The following MYH16 variants were observed in gnomAD, a reference collection of about 807,000 sequenced individuals.
MYH16 encodes putative uncharacterized protein MYH16.
intron 1 of MYH16, among the ~76,000 whole-genome samples, chr7:99,239,836 T>C (rs2150802917): frequency 6.6e-6 from 1 of 152,284 alleles, no homozygotes; most frequent in East Asian, 1.9e-4. Flanking sequence ...TTCTCTCTGC[T>C]GGCCCACACT....
rs542733156 is a variant in MYH16 at position 99,267,566 on chromosome 7, A to G, written n.2266+592A>G. ...TGTCCAAGAATAAAAAGGGCCAATGAGAATCAAGGTCATGGATCTGGCCCG... is the reference window on the plus strand; with the variant it reads ...TGTCCAAGAATAAAAAGGGCCAATGGGAATCAAGGTCATGGATCTGGCCCG... On this transcript the variant is annotated intron_variant and non_coding_transcript_variant, in intron 18 of 41. Coordinates refer to ENST00000439784, the Ensembl canonical transcript of MYH16. Among the ~76,000 whole-genome samples the G allele has an allele frequency of 3.8e-4, 58 of 152,338 alleles. 1 individual carries two copies. The South Asian group carries it at 0.011, about 30-fold the overall frequency.
intron 6 of MYH16, among the ~76,000 whole-genome samples, chr7:99,251,880 G>A (rs1161754497): frequency 6.6e-6 from 1 of 152,130 alleles, no homozygotes; most frequent in Non-Finnish European, 1.5e-5. Context: ...GGCTAAGGTG[G>A]GAGGATCACC....
downstream of MYH16, among the ~76,000 whole-genome samples, chr7:99,309,835 T>C (rs1792735145): frequency 6.6e-6 from 1 of 152,158 alleles, no homozygotes; most frequent in African/African-American, 2.4e-5. Flanking sequence ...TGGGGTCTAC[T>C]CTCCATGTCC....
intron 22 of MYH16, among the ~76,000 whole-genome samples, chr7:99,280,527 G>A (rs1792187572): frequency 6.6e-6 from 1 of 152,176 alleles, no homozygotes; most frequent in South Asian, 2.1e-4. Context: ...TTGGGTTCTC[G>A]AGCAGGGTAA....
chr7:99,296,679 G>A (rs1241087129), intron 33 of MYH16, 22 bp from the exon 15 acceptor site: 1 of 454,926 alleles, frequency 2.2e-6, no homozygotes, highest in Non-Finnish European at 4.4e-6. Flanking sequence ...GACCCCTAGA[G>A]GCCATTTCCA....
intron 18 of MYH16, chr7:99,266,990 C>G (rs181629210): frequency 3.9e-5 from 6 of 152,726 alleles, no homozygotes; most frequent in Non-Finnish European, 7.3e-5. Context: ...GTATGGTGGG[C>G]GGTCTCCCCC....
chr7:99,298,565 G>C (rs1281808472), intron 36 of MYH16, among the ~76,000 whole-genome samples: 2 of 152,214 alleles, frequency 1.3e-5, no homozygotes, highest in Non-Finnish European at 2.9e-5. Flanking sequence ...TTTTAGCCAT[G>C]ATGGTTAATG....
intron 37 of MYH16, among the ~76,000 whole-genome samples, chr7:99,300,267 G>C (rs983978633): frequency 6.6e-6 from 1 of 152,082 alleles, no homozygotes; most frequent in South Asian, 2.1e-4. Flanking sequence ...GCCCTGTCTT[G>C]ATTTGTAAAA....
intron 20 of MYH16, among the ~76,000 whole-genome samples, chr7:99,277,164 G>C (rs559939493): frequency 6.6e-6 from 1 of 152,142 alleles, no homozygotes; most frequent in Non-Finnish European, 1.5e-5. Context: ...AGGGAAGGAA[G>C]GAGGGAGGGG....
downstream of MYH16, among the ~76,000 whole-genome samples, chr7:99,307,171 C>T (rs35058460): frequency 0.027 from 4,116 of 152,274 alleles, 84 homozygotes; most frequent in Non-Finnish European, 0.04. Context: ...GTGCTTAGTA[C>T]AGTCACAGGG....
intron 22 of MYH16, among the ~76,000 whole-genome samples, chr7:99,280,219 A>C (rs1300794022): frequency 6.6e-6 from 1 of 152,232 alleles, no homozygotes; most frequent in African/African-American, 2.4e-5. Flanking sequence ...TTAAAATGCA[A>C]TTCCTCAGTT....
intron 17 of MYH16, chr7:99,266,780 T>C (rs1361840103): frequency 6.5e-6 from 1 of 152,700 alleles, no homozygotes; most frequent in Admixed American, 6.5e-5. Context: ...GACCAGCGGA[T>C]AACCGCATGA....
At chr7:99,266,134 A>C (rs998108939) in intron 17 of MYH16, among the ~76,000 whole-genome samples, 4 of 151,838 alleles carry the variant, frequency 2.6e-5, no homozygotes, top group African/African-American at 9.7e-5. Context: ...TCCAAAAAAA[A>C]CCCCGATTGC....
chr7:99,277,459 G>A (rs1211717160), intron 20 of MYH16, 80 bp from the exon 3 acceptor site: 8 of 394,222 alleles, frequency 2.0e-5, no homozygotes, highest in African/African-American at 4.1e-5. Context: ...TCACGCCTGA[G>A]GCAGAGACTC....
At chr7:99,240,374 T>C (rs941785334) in intron 1 of MYH16, among the ~76,000 whole-genome samples, 2 of 152,114 alleles carry the variant, frequency 1.3e-5, no homozygotes, top group African/African-American at 4.8e-5. Context: ...ACCCGGCCAC[T>C]TTTCCATTTA....
intron 29 of MYH16, among the ~76,000 whole-genome samples, chr7:99,288,732 C>T (rs550378865): frequency 4.6e-5 from 7 of 152,052 alleles, no homozygotes; most frequent in African/African-American, 1.2e-4. Flanking sequence ...ACCTGTGCTT[C>T]GATTTCTTCA....
intron 20 of MYH16, among the ~76,000 whole-genome samples, chr7:99,274,669 C>CTTTT (rs745470963): frequency 4.3e-5 from 5 of 117,564 alleles, no homozygotes; most frequent in African/African-American, 7.9e-5. Context: ...CATTAATTCA[C>CTTTT]TTTTTTTTTT....
intron 30 of MYH16, chr7:99,291,053 C>G: frequency 5.3e-6 from 1 of 189,376 alleles, no homozygotes; most frequent in Non-Finnish European, 1.1e-5. Context: ...GCTGCATCTC[C>G]TGACATGTAG....
intron 41 of MYH16, among the ~76,000 whole-genome samples, chr7:99,306,353 AC>A (rs1422682540): frequency 2.0e-5 from 3 of 151,964 alleles, no homozygotes; most frequent in East Asian, 1.9e-4. Context: ...ACATGGTGAA[AC>A]CCATCTCTAC....
Sources: gnomAD v4.1 joint callset for allele counts (sites outside exome capture counted in the v4.1 genomes callset) on GRCh38, gnomAD v4.1.1 for gene constraint, MANE v1.5 for transcripts, NCBI Gene and HGNC (gene_info 2026-07-23, HGNC 2026-07-21) for gene names.